ACTR3C: variants seen among roughly 807,000 people sequenced by gnomAD.
ACTR3C encodes the protein actin related protein 3C.
A neutral mutation model predicts 26.3 loss-of-function variants in ACTR3C; 18 were observed. That is an observed-to-expected ratio of 0.68 (90% confidence interval 0.47 to 1.01). The LOEUF is 1.01. Among genes scored for constraint, ACTR3C ranks in the 50% least tolerant of loss-of-function variants. The pLI is 0.00. For missense variants in ACTR3C, 184 were observed against 250.7 expected (o/e 0.73, Z 1.80); for synonymous variants, 55 against 94.5 (o/e 0.58, Z 2.42).
the ACTR3C span, among the ~76,000 whole-genome samples, chr7:149,887,630 A>G: frequency 6.6e-6 from 1 of 152,228 alleles, no homozygotes; most frequent in East Asian, 1.9e-4. Context: ...GAAAAGGTGA[A>G]ATGTGAGGAG....
the ACTR3C span, among the ~76,000 whole-genome samples, chr7:150,227,696 T>TTTG: frequency 3.6e-5 from 5 of 138,028 alleles, no homozygotes; most frequent in African/African-American, 1.6e-4. Context: ...GGGTTTTTTT[T>TTTG]TTTTGTTTTT....
In ACTR3C at chr7:150,310,850, A is replaced by C. The variant is rs114488652; in HGVS notation, c.-52+12619T>G. On this transcript the variant is annotated intron_variant, in intron 1 of 7. Transcript: ENST00000683684. ...CCCTCTTACCAATCTTCCCAGCAGAACACTATCCTACTTCTTCAACACCTC... is the reference window on the plus strand; with the variant it reads ...CCCTCTTACCAATCTTCCCAGCAGACCACTATCCTACTTCTTCAACACCTC... Among the ~76,000 whole-genome samples, 544 of 152,272 alleles carry C rather than the reference A, an allele frequency of 3.6e-3. 8 individuals carry two copies. The highest frequency in any genetic ancestry group is 0.012 in the African/African-American group (491 of 41,552).
chr7:150,085,259 T>C, the ACTR3C span, among the ~76,000 whole-genome samples: 1 of 152,162 alleles, frequency 6.6e-6, no homozygotes. Flanking sequence ...CCTCATCATA[T>C]GGCCAGTATA....
intron 6 of ACTR3C, among the ~76,000 whole-genome samples, chr7:150,255,064 C>T (rs555366964): frequency 1.3e-5 from 2 of 151,992 alleles, no homozygotes; most frequent in African/African-American, 2.4e-5. Flanking sequence ...GAGTTCACTT[C>T]ATTATTTTCC....
the ACTR3C span, among the ~76,000 whole-genome samples, chr7:149,904,980 C>G: frequency 6.6e-6 from 1 of 151,530 alleles, no homozygotes; most frequent in East Asian, 2.0e-4. Flanking sequence ...GAGCCGAGAT[C>G]ATGCCATTGC....
At chr7:149,956,815 C>A in the ACTR3C span, among the ~76,000 whole-genome samples, 1 of 152,160 alleles carries the variant, frequency 6.6e-6, no homozygotes. Flanking sequence ...GATATCACGA[C>A]CAGTGAGCAG....
the ACTR3C span, among the ~76,000 whole-genome samples, chr7:149,984,721 C>T: frequency 6.6e-6 from 1 of 151,904 alleles, no homozygotes; most frequent in Admixed American, 6.6e-5. Flanking sequence ...CCACGTCATC[C>T]AAAACCTAAG....
the ACTR3C span, among the ~76,000 whole-genome samples, chr7:150,207,870 A>G: frequency 6.7e-6 from 1 of 150,270 alleles, no homozygotes; most frequent in Non-Finnish European, 1.5e-5. Flanking sequence ...AGCCTAATTT[A>G]AAATTTCTCA....
chr7:149,886,726 C>T, the ACTR3C span, among the ~76,000 whole-genome samples: 29 of 152,266 alleles, frequency 1.9e-4, no homozygotes, highest in Admixed American at 2.6e-4. Context: ...GAAGCCAAGG[C>T]GGGCGGATCC....
the ACTR3C span, among the ~76,000 whole-genome samples, chr7:150,057,754 A>T: frequency 6.6e-6 from 1 of 152,248 alleles, no homozygotes; most frequent in African/African-American, 2.4e-5. Context: ...AAATGATGGC[A>T]TTGCCAAGGC....
chr7:150,144,514 TATTATTTTTTGTCCA>T, the ACTR3C span, among the ~76,000 whole-genome samples: 1 of 150,602 alleles, frequency 6.6e-6, no homozygotes, highest in Non-Finnish European at 1.5e-5. This position sits in a 1 kb window ranked among gnomAD's most constrained non-coding sequence, Gnocchi z 4.6. Flanking sequence ...AATTGAATAA[TATTATTTTTTGTCCA>T]ATATTATTTT....
chr7:149,989,152 A>T, the ACTR3C span, among the ~76,000 whole-genome samples: 3 of 152,072 alleles, frequency 2.0e-5, no homozygotes, highest in East Asian at 1.9e-4. Context: ...ATGTTCATTT[A>T]AAAAAAATGT....
At chr7:150,281,783 C>T (rs1313656781) in intron 6 of ACTR3C, among the ~76,000 whole-genome samples, 2 of 151,828 alleles carry the variant, frequency 1.3e-5, no homozygotes, top group African/African-American at 2.4e-5. Flanking sequence ...AACAGGCTCT[C>T]TCCTGCTTTT....
At chr7:150,153,921 T>C in the ACTR3C span, among the ~76,000 whole-genome samples, 4 of 147,396 alleles carry the variant, frequency 2.7e-5, no homozygotes, top group Non-Finnish European at 4.5e-5. Flanking sequence ...ATGTCCTTTG[T>C]AGGGACATGG....
intron 3 of ACTR3C, among the ~76,000 whole-genome samples, chr7:150,291,118 G>A (rs1462757698): frequency 6.6e-6 from 1 of 151,784 alleles, no homozygotes; most frequent in South Asian, 2.1e-4. Flanking sequence ...GCATGCATGC[G>A]TGCACACACG....
At chr7:150,235,545 G>C in the ACTR3C span, among the ~76,000 whole-genome samples, 2 of 152,142 alleles carry the variant, frequency 1.3e-5, no homozygotes. Context: ...GCTGAAATCT[G>C]GACAAGTCTA....
the ACTR3C span, among the ~76,000 whole-genome samples, chr7:150,036,912 T>G: frequency 2.0e-5 from 2 of 101,550 alleles, no homozygotes; most frequent in Non-Finnish European, 4.4e-5. Context: ...GGGGAGTGCC[T>G]CCCCCCTCTG....
intron 6 of ACTR3C, among the ~76,000 whole-genome samples, chr7:150,270,726 A>C (rs1436660686): frequency 1.3e-5 from 2 of 151,906 alleles, no homozygotes; most frequent in Non-Finnish European, 2.9e-5. Flanking sequence ...CAATTTGTAA[A>C]GTAGCTCTCC....
At chr7:149,918,794 C>G in the ACTR3C span, among the ~76,000 whole-genome samples, 1 of 152,150 alleles carries the variant, frequency 6.6e-6, no homozygotes, top group Non-Finnish European at 1.5e-5. Flanking sequence ...AAGCTGAGGA[C>G]CCATCGTGCC....
Sources: gnomAD v4.1 joint callset for allele counts (sites outside exome capture counted in the v4.1 genomes callset) on GRCh38, gnomAD v4.1.1 for gene constraint, Gnocchi (gnomAD v3.1) non-coding constraint, MANE v1.5 for transcripts, NCBI Gene and HGNC (gene_info 2026-07-23, HGNC 2026-07-21) for gene names.